Variants in ANK2 observed in about 807,000 individuals in gnomAD.
ANK2 encodes ankyrin-2.
In ANK2, 83 loss-of-function variants were observed where a neutral mutation model predicts 360.5. The ratio of observed to expected loss-of-function variants is 0.23; its 90% CI spans 0.19 to 0.28. ANK2 has a LOEUF of 0.28. ANK2 is among the 10% of genes least tolerant of loss of function. The pLI, the probability that ANK2 is intolerant of heterozygous loss-of-function variation, is 1.00. For missense variants in ANK2, 4,201 were observed against 4,795.7 expected (o/e 0.88, Z 3.66); for synonymous variants, 1,740 against 1,759.5 (o/e 0.99, Z 0.28).
chr4:112,991,619 C>CTTTTT (rs35505334), intron 2 of ANK2, among the ~76,000 whole-genome samples: 229 of 125,630 alleles, frequency 1.8e-3, no homozygotes, highest in Non-Finnish European at 2.3e-3. Context: ...TTCTTTCTTT[C>CTTTTT]TTTTTTTTTT....
At chr4:113,179,383 G>C (rs1249944750) in intron 2 of ANK2, among the ~76,000 whole-genome samples, 1 of 152,120 alleles carries the variant, frequency 6.6e-6, no homozygotes, top group East Asian at 1.9e-4. Flanking sequence ...TCCTTAAACT[G>C]AAATTTGAAT....
intron 1 of ANK2, among the ~76,000 whole-genome samples, chr4:112,885,928 T>C (rs1428115786): frequency 6.6e-6 from 1 of 151,844 alleles, no homozygotes; most frequent in African/African-American, 2.4e-5. Context: ...GGAAGATATA[T>C]ACATGAGGTA....
chr4:113,081,809 G>T (rs9991647), intron 1 of ANK2, among the ~76,000 whole-genome samples: 1 of 150,206 alleles, frequency 6.7e-6, no homozygotes, highest in African/African-American at 2.5e-5. Context: ...ATGAAAACAC[G>T]TATTTTTTTT....
chr4:113,279,330 TTGCCAAACACTA>T (rs2061390121), intron 17 of ANK2, among the ~76,000 whole-genome samples: 1 of 152,226 alleles, frequency 6.6e-6, no homozygotes. Flanking sequence ...CACCATTTAT[TTGCCAAACACTA>T]TGCCGAGCAC....
At chr4:113,175,287 T>C (rs912627982) in intron 2 of ANK2, among the ~76,000 whole-genome samples, 15 of 152,224 alleles carry the variant, frequency 9.9e-5, no homozygotes, top group African/African-American at 3.6e-4. Flanking sequence ...CCTTTTTCTA[T>C]ATCCTGGTAT....
intron 2 of ANK2, among the ~76,000 whole-genome samples, chr4:112,984,533 C>T (rs1375146545): frequency 6.6e-6 from 1 of 152,176 alleles, no homozygotes; most frequent in African/African-American, 2.4e-5. Flanking sequence ...CCAAGTCCCT[C>T]CCATAACACG....
intron 2 of ANK2, among the ~76,000 whole-genome samples, chr4:112,978,369 A>G (rs970386936): frequency 3.3e-5 from 5 of 152,214 alleles, no homozygotes; most frequent in South Asian, 2.1e-4. Flanking sequence ...AAAACTTCCT[A>G]TAAGTGTACA....
chr4:112,800,691 T>C, the ANK2 span, among the ~76,000 whole-genome samples: 1 of 152,156 alleles, frequency 6.6e-6, no homozygotes, highest in Non-Finnish European at 1.5e-5. Context: ...AGTTTCGCTC[T>C]TGTTCCCCAG....
intron 4 of ANK2, among the ~76,000 whole-genome samples, chr4:113,205,574 C>T (rs925106192): frequency 6.6e-6 from 1 of 152,068 alleles, no homozygotes; most frequent in African/African-American, 2.4e-5. Flanking sequence ...ATTTATAACT[C>T]AAGGATGATT....
intron 34 of ANK2, 138 bp downstream of exon 34, chr4:113,343,280 C>A: frequency 3.3e-6 from 3 of 907,708 alleles, no homozygotes; most frequent in Non-Finnish European, 4.9e-6. Context: ...CGTTTTACAG[C>A]CCTGGGAAAC....
chr4:113,028,715 G>T (rs1451800319), intron 2 of ANK2, among the ~76,000 whole-genome samples: 1 of 152,108 alleles, frequency 6.6e-6, no homozygotes, highest in Non-Finnish European at 1.5e-5. Context: ...TAACATGTTT[G>T]CTTTGAAGCA....
intron 42 of ANK2, 97 bp from the exon 43 acceptor site, chr4:113,369,417 T>C (rs2096651001): frequency 1.5e-6 from 2 of 1,314,988 alleles, no homozygotes; most frequent in South Asian, 1.2e-5. Context: ...TCATAGACTA[T>C]GGAAAAACCA....
the ANK2 span, among the ~76,000 whole-genome samples, chr4:112,784,948 T>G: frequency 6.6e-6 from 1 of 152,188 alleles, no homozygotes; most frequent in African/African-American, 2.4e-5. Flanking sequence ...CAGTACTTTG[T>G]GGTTGAGCTG....
At chr4:113,068,025 T>G (rs2076223923) in intron 1 of ANK2, among the ~76,000 whole-genome samples, 2 of 152,216 alleles carry the variant, frequency 1.3e-5, no homozygotes, top group South Asian at 4.1e-4. Context: ...ATTTATCTAG[T>G]TCCTGGGATC....
chr4:113,343,176 T>G, intron 34 of ANK2, 34 bp downstream of exon 34: 1 of 1,608,974 alleles, frequency 6.2e-7, no homozygotes, highest in Non-Finnish European at 8.5e-7. Context: ...GATGCATTTT[T>G]TTCAAGATCA....
chr4:113,163,193 G>A (rs1016533922), intron 1 of ANK2, among the ~76,000 whole-genome samples: 1 of 152,144 alleles, frequency 6.6e-6, no homozygotes, highest in African/African-American at 2.4e-5. Flanking sequence ...CATGATGGGA[G>A]TGAGAAAAGG....
chr4:113,130,749 A>C (rs2095970866), intron 1 of ANK2, among the ~76,000 whole-genome samples: 1 of 152,204 alleles, frequency 6.6e-6, no homozygotes, highest in African/African-American at 2.4e-5. Context: ...CTAAGACATA[A>C]TAGATACTCT....
intron 1 of ANK2, among the ~76,000 whole-genome samples, chr4:112,874,042 T>C (rs971853492): frequency 2.6e-5 from 4 of 151,570 alleles, no homozygotes; most frequent in African/African-American, 9.7e-5. Flanking sequence ...TAAATATTGA[T>C]AGATACAATT....
At chr4:112,794,301 G>A in the ANK2 span, among the ~76,000 whole-genome samples, 1 of 152,146 alleles carries the variant, frequency 6.6e-6, no homozygotes, top group Admixed American at 6.5e-5. Flanking sequence ...TATTTGTAAG[G>A]ATTTGATGTC....
Sources: allele counts gnomAD v4.1 joint callset (sites outside exome capture counted in the v4.1 genomes callset), GRCh38; gene constraint gnomAD v4.1.1; transcripts MANE v1.5; gene names NCBI Gene and HGNC (gene_info 2026-07-23, HGNC 2026-07-21).